The following ZEB1 variants were observed in gnomAD, a reference collection of about 807,000 sequenced individuals.
ZEB1 encodes zinc finger E-box-binding homeobox 1.
Under a neutral mutation model 84.9 loss-of-function variants are expected in ZEB1, and 21 were observed. The ratio of observed to expected loss-of-function variants is 0.25; its 90% CI spans 0.18 to 0.36. The LOEUF (loss-of-function observed/expected upper bound fraction) is 0.36. ZEB1 is among the 10% of genes least tolerant of loss of function. The probability of loss-of-function intolerance (pLI) is 1.00; values close to 1 mark genes in which losing one functional copy is unlikely to be tolerated. For synonymous variants in ZEB1, 420 were observed against 471.1 expected, an observed-to-expected ratio of 0.89 and a Z score of 1.41; for missense variants, 1,104 against 1,330.2, an observed-to-expected ratio of 0.83 and a Z score of 2.65.
At chr10:31,319,098 A>C, upstream of ZEB1, 1 of 638,496 alleles carries the variant, frequency 1.6e-6, no homozygotes, top group Non-Finnish European at 2.9e-6. Flanking sequence ...GGTGTAAGGA[A>C]GGTGATGTCG....
At chr10:31,338,311 AATTT>A (rs1236640728) in intron 1 of ZEB1, among the ~76,000 whole-genome samples, 1 of 152,196 alleles carries the variant, frequency 6.6e-6, no homozygotes, top group East Asian at 1.9e-4. Flanking sequence ...TTAAAATATT[AATTT>A]ATTTAGTATT....
At chr10:31,431,845 G>A (rs983343527) in intron 1 of ZEB1, among the ~76,000 whole-genome samples, 6 of 152,124 alleles carry the variant, frequency 3.9e-5, no homozygotes, top group African/African-American at 1.4e-4. Context: ...ACAGATAAAA[G>A]GATTGTCTTT....
At chr10:31,415,392 T>G (rs375264829) in intron 1 of ZEB1, among the ~76,000 whole-genome samples, 107 of 152,166 alleles carry the variant, frequency 7.0e-4, no homozygotes, top group African/African-American at 2.5e-3. Flanking sequence ...TTTGATCCTG[T>G]GTGTGTGGTG....
intron 1 of ZEB1, among the ~76,000 whole-genome samples, chr10:31,444,736 T>G (rs2059535700): frequency 6.6e-6 from 1 of 151,996 alleles, no homozygotes; most frequent in African/African-American, 2.4e-5. Context: ...GTATGCGGCG[T>G]TATTTCTGAG....
At chr10:31,349,401 C>G (rs1470029306) in intron 1 of ZEB1, among the ~76,000 whole-genome samples, 1 of 152,168 alleles carries the variant, frequency 6.6e-6, no homozygotes, top group African/African-American at 2.4e-5. Flanking sequence ...GATACCTCAT[C>G]AACACACTGA....
chr10:31,471,920 C>G (rs1267347358), intron 2 of ZEB1, among the ~76,000 whole-genome samples: 1 of 142,262 alleles, frequency 7.0e-6, no homozygotes, highest in Non-Finnish European at 1.5e-5. Flanking sequence ...CTCAAAACCA[C>G]TCAACTACAT....
At position 31,360,294 on chromosome 10, in the gene ZEB1, G is replaced by T. The variant is rs548013303; in HGVS notation, c.58+41002G>T. On this transcript the variant is annotated intron_variant, in intron 1 of 8. Transcript: ENST00000424869. ...ACAAACATGATGGGAATTAAAACAG[G>T]ATAATTTAATAGCTGTGAGACCTTA... Among the ~76,000 whole-genome samples, 8 of 152,260 alleles carry T rather than the reference G, an allele frequency of 5.3e-5. No homozygotes were observed. The East Asian group carries it at 1.5e-3, about 29-fold the overall frequency.
chr10:31,325,755 CCT>C (rs969588754), intron 1 of ZEB1, among the ~76,000 whole-genome samples: 22 of 151,482 alleles, frequency 1.5e-4, no homozygotes, highest in African/African-American at 4.8e-4. Context: ...TATTGAAAGT[CCT>C]CTGTTTTCTC....
intron 2 of ZEB1, among the ~76,000 whole-genome samples, chr10:31,489,249 T>TTCAGTGATAA (rs1370958634): frequency 1.3e-5 from 2 of 151,550 alleles, no homozygotes; most frequent in East Asian, 3.9e-4. Context: ...TTCTTATCAC[T>TTCAGTGATAA]GAAGTCTACT....
chr10:31,391,972 G>GAA (rs1176699755), intron 1 of ZEB1, among the ~76,000 whole-genome samples: 2 of 152,104 alleles, frequency 1.3e-5, no homozygotes, highest in Non-Finnish European at 2.9e-5. Context: ...AACTGAAGTT[G>GAA]AAAGAATTTA....
rs1157634486 is a variant in ZEB1 at position 31,321,589 on chromosome 10, C to T, written c.58+2297C>T. ...TTACCTTATTTAAAATGTTGATCGC[C>T]AGAGAAAGGGGCTTTTCTTGTTGCT... On this transcript the variant is annotated intron_variant, in intron 1 of 8. Coordinates refer to ENST00000424869, the MANE Select transcript of ZEB1 (RefSeq NM_001174096.2). 5 of 1,613,400 alleles carry T rather than the reference C, an allele frequency of 3.1e-6. No homozygotes were observed. In the Admixed American group the frequency reaches 6.7e-5, roughly 22 times the overall value.
intron 3 of ZEB1, among the ~76,000 whole-genome samples, chr10:31,496,727 A>G (rs543057309): frequency 2.6e-5 from 4 of 152,140 alleles, no homozygotes; most frequent in East Asian, 1.9e-4. Context: ...CTTCTCTTCT[A>G]TGAGTTATCA....
At chr10:31,327,958 T>C (rs1218596181) in intron 1 of ZEB1, among the ~76,000 whole-genome samples, 1 of 152,212 alleles carries the variant, frequency 6.6e-6, no homozygotes, top group Admixed American at 6.5e-5. Context: ...CCTTTCCATA[T>C]CTGGCCTATT....
At chr10:31,413,829 T>C (rs2054726787) in intron 1 of ZEB1, among the ~76,000 whole-genome samples, 1 of 152,248 alleles carries the variant, frequency 6.6e-6, no homozygotes. Context: ...TATAATTTCA[T>C]AGCGATTAAC....
At chr10:31,451,508 G>C (rs1414584582) in intron 1 of ZEB1, among the ~76,000 whole-genome samples, 1 of 152,054 alleles carries the variant, frequency 6.6e-6, no homozygotes, top group African/African-American at 2.4e-5. Context: ...TCTTCCATAA[G>C]TAACAGTTTC....
intron 1 of ZEB1, chr10:31,389,696 G>T (rs562687397): frequency 3.9e-5 from 6 of 151,980 alleles, no homozygotes; most frequent in Non-Finnish European, 8.8e-5. Context: ...TAGAAGCTAC[G>T]TATGTAATTT....
rs780401515 is a variant in ZEB1 at position 31,527,009 on chromosome 10, AGAG to A, written c.3132_3134del (p.Glu1044del). The stretch of plus-strand genomic sequence containing the variant: ...AGGATGAAGACAGTGAAAAAGAGGA[AGAG>A]GAGGAGGATAAAGAGATGGAAGAAT... On this transcript the variant is annotated inframe_deletion, in exon 9 of 9. Coordinates refer to ENST00000424869, the MANE Select transcript of ZEB1 (RefSeq NM_001174096.2). The A allele has an allele frequency of 1.4e-5, 22 of 1,603,420 alleles. No individual in the cohort carries two copies. In the East Asian group the frequency reaches 4.7e-4, roughly 35 times the overall value.
chr10:31,443,579 C>G (rs1345106686), intron 1 of ZEB1, among the ~76,000 whole-genome samples: 6 of 120,502 alleles, frequency 5.0e-5, no homozygotes, highest in African/African-American at 1.9e-4. Context: ...CACCCCACAA[C>G]AGTCCCCAGA....
rs1177656244 is a variant in ZEB1 at position 31,527,011 on chromosome 10, A to G, written c.3125A>G (p.Glu1042Gly). Reference sequence around the variant, plus strand: ...GATGAAGACAGTGAAAAAGAGGAAGAGGAGGAGGATAAAGAGATGGAAGAA... The same window carrying G: ...GATGAAGACAGTGAAAAAGAGGAAGGGGAGGAGGATAAAGAGATGGAAGAA... The part of the protein sequence containing the change: ...EEDEDSEKEE[E>G]EEDKEMEELQ... The change falls in exon 9 of 9, where the codon GAG becomes GGG. Residue 1042 changes from glutamate (E) to glycine (G), a missense_variant. Glu to Gly is a moderately conservative substitution (Grantham distance 98, BLOSUM62 -2). Transcript: ENST00000424869. 6.2e-7 allele frequency: 1 copy of G among 1,602,078 alleles called. No homozygotes were observed. Among genetic ancestry groups the G allele is most frequent in the African/African-American group, 1.3e-5 (1 of 74,596 alleles).
Sources: gnomAD v4.1 joint callset for allele counts (sites outside exome capture counted in the v4.1 genomes callset) on GRCh38, gnomAD v4.1.1 for gene constraint, MANE v1.5 for transcripts, NCBI Gene and HGNC (gene_info 2026-07-23, HGNC 2026-07-21) for gene names.